PHEX: variants seen among roughly 807,000 people sequenced by gnomAD.
PHEX encodes the protein phosphate regulating endopeptidase X-linked.
In PHEX, 16 loss-of-function variants were observed where a neutral mutation model predicts 68.0. The observed-to-expected ratio is 0.24, with a 90% CI of 0.16 to 0.36. The LOEUF (loss-of-function observed/expected upper bound fraction) is 0.36. Among genes scored for constraint, PHEX ranks in the 10% least tolerant of loss-of-function variants. PHEX has a pLI of 1.00. For missense variants in PHEX, 480 were observed against 575.5 expected (o/e 0.83, Z 1.70); for synonymous variants, 208 against 205.1 (o/e 1.01, Z -0.12).
Position 22,091,978 on chromosome X carries a change from C to T in PHEX, c.732+1481C>T, listed in dbSNP as rs6633516. On this transcript the variant is annotated intron_variant, in intron 6 of 21. Transcript: ENST00000379374. ...GAGAATATGTGGGGGAAACCACCCC[C>T]ATGATTCAATTATATCCACCTGGCC... Among the ~76,000 whole-genome samples the T allele has an allele frequency of 8.4e-3, 934 of 111,587 alleles. 13 individuals carry two copies. The highest frequency in any genetic ancestry group is 0.029 in the African/African-American group (880 of 30,649).
chrX:22,051,803 A>G (rs993868946), intron 3 of PHEX, among the ~76,000 whole-genome samples: 14 of 111,729 alleles, frequency 1.3e-4, no homozygotes, highest in African/African-American at 4.5e-4. Context: ...ATAAAATAAT[A>G]TATCTATAAA....
At position 22,215,811 on chromosome X, in the gene PHEX, G is replaced by A. The variant is rs776163281; in HGVS notation, c.1700+2853G>A. ...CAAACTCCCCGGTGTTTTGGGAAATGCTGATCTAGAATTCATGACTGAAGA... is the reference window on the plus strand; with the variant it reads ...CAAACTCCCCGGTGTTTTGGGAAATACTGATCTAGAATTCATGACTGAAGA... On this transcript the variant is annotated intron_variant, in intron 16 of 21. Coordinates refer to ENST00000379374, the MANE Select transcript of PHEX (RefSeq NM_000444.6). Among the ~76,000 whole-genome samples the A allele has an allele frequency of 5.4e-5, 6 of 111,145 alleles. No homozygotes were observed. In the East Asian group the frequency reaches 1.7e-3, roughly 31 times the overall value.
In PHEX at chrX:22,038,494, A is replaced by C. The variant is rs966703162; in HGVS notation, c.144A>C (p.Gln48His). The C allele has an allele frequency of 8.3e-6, 10 of 1,201,102 alleles. No individual in the cohort carries two copies. The highest frequency in any genetic ancestry group is 1.1e-5 in the Non-Finnish European group (10 of 885,882). ...FLVSQGLLSL[Q>H]AKQEYCLKPE... The stretch of plus-strand genomic sequence containing the variant: ...TGAGTCAAGGTCTCTTAAGTCTCCA[A>C]GCTAAACAGGAGTACTGCCTGAAGC... Residue 48 changes from glutamine (Q) to histidine (H), a missense_variant, in exon 2 of 22, where the codon CAA (glutamine) becomes CAC (histidine). Transcript: ENST00000379374.
At chrX:22,085,989 T>C (rs1249612292) in intron 5 of PHEX, among the ~76,000 whole-genome samples, 1 of 111,766 alleles carries the variant, frequency 8.9e-6, no homozygotes, top group African/African-American at 3.3e-5. Context: ...GTTGGGTGCA[T>C]AGGTATTTAT....
At position 22,044,570 on chromosome X, in the gene PHEX, G is replaced by A. The variant is rs187669774; in HGVS notation, c.188-2480G>A. ...CTAAAAATACAAAAAAAAATTAGCC[G>A]GGCGTGGTGGCGGGTGCCTGTAGTC... On this transcript the variant is annotated intron_variant, in intron 2 of 21. Transcript: ENST00000379374. Among the ~76,000 whole-genome samples the A allele has an allele frequency of 3.0e-3, 329 of 109,307 alleles. 3 individuals carry two copies. Among genetic ancestry groups the A allele is most frequent in the African/African-American group, 0.01 (301 of 30,069 alleles). 94.9% of individuals were successfully genotyped at this position (109,307 alleles called of 115,157 possible).
At chrX:22,167,330 C>T (rs1004017503) in intron 12 of PHEX, among the ~76,000 whole-genome samples, 2 of 110,526 alleles carry the variant, frequency 1.8e-5, no homozygotes, top group Admixed American at 9.7e-5. Context: ...TGTTGATAGT[C>T]GCCATTCTAA....
intron 15 of PHEX, among the ~76,000 whole-genome samples, chrX:22,198,316 C>T (rs1279631567): frequency 9.3e-6 from 1 of 107,133 alleles, no homozygotes; most frequent in Non-Finnish European, 1.9e-5. Flanking sequence ...AGTAGGCACC[C>T]AATAAACATT....
intron 2 of PHEX, among the ~76,000 whole-genome samples, chrX:22,040,507 A>G (rs1024511594): frequency 1.8e-5 from 2 of 111,674 alleles, no homozygotes; most frequent in Non-Finnish European, 3.8e-5. Context: ...AAAATGTTAT[A>G]GAGAAAATTA....
chrX:22,245,436 T>C, intron 21 of PHEX, 27 bp downstream of exon 21: 1 of 1,010,668 alleles, frequency 9.9e-7, no homozygotes, highest in Non-Finnish European at 1.4e-6. Context: ...GTGACGGCAG[T>C]TTTTAACTGT....
intron 11 of PHEX, among the ~76,000 whole-genome samples, chrX:22,129,209 C>T (rs1254171999): frequency 1.8e-5 from 2 of 111,145 alleles, no homozygotes; most frequent in African/African-American, 6.6e-5. Flanking sequence ...GCCAGACAGG[C>T]TGGGATGGCA....
rs1444438696 is a variant in PHEX at position 22,248,005 on chromosome X, G to A, written c.*52G>A. On this transcript the variant is annotated 3_prime_UTR_variant, in exon 22 of 22. Transcript: ENST00000379374. ...AGACAGTTGCACAGTGCCAGCGGAG[G>A]CTGCACTGAGCCTTCATCGCCCATT... is the stretch of plus-strand genomic sequence containing the variant. 1.2e-6 allele frequency: 1 copy of A among 846,693 alleles called. No individual in the cohort carries two copies. Among genetic ancestry groups the A allele is most frequent in the Admixed American group, 2.2e-5 (1 of 45,373 alleles). 69.8% of individuals were successfully genotyped at this position (846,693 alleles called of 1,213,427 possible).
intron 14 of PHEX, among the ~76,000 whole-genome samples, chrX:22,185,842 G>A (rs959407560): frequency 7.7e-5 from 8 of 103,256 alleles, no homozygotes; most frequent in African/African-American, 1.1e-4. Flanking sequence ...TGCAACCTCC[G>A]TCTCCCAGGT....
chrX:22,151,324 G>A (rs1040294865), intron 12 of PHEX, among the ~76,000 whole-genome samples: 8 of 112,170 alleles, frequency 7.1e-5, no homozygotes, highest in South Asian at 7.6e-4. Flanking sequence ...CAGGAGTAAG[G>A]TGCAAGATTC....
chrX:22,102,735 C>A (rs186874792), intron 9 of PHEX, among the ~76,000 whole-genome samples: 28 of 112,517 alleles, frequency 2.5e-4, no homozygotes, highest in Middle Eastern at 9.3e-3. Flanking sequence ...GTGTTGCCTG[C>A]AAGGCAGGGG....
At chrX:22,148,805 T>C (rs1452416964) in intron 12 of PHEX, among the ~76,000 whole-genome samples, 1 of 112,184 alleles carries the variant, frequency 8.9e-6, no homozygotes, top group Non-Finnish European at 1.9e-5. Context: ...TAGGCTATTT[T>C]TCATTATTGA....
intron 20 of PHEX, among the ~76,000 whole-genome samples, chrX:22,239,286 T>C (rs984353144): frequency 4.5e-5 from 5 of 111,372 alleles, no homozygotes; most frequent in African/African-American, 1.3e-4. Flanking sequence ...GAGAAACCAG[T>C]GCAAAAAGGC....
intron 16 of PHEX, among the ~76,000 whole-genome samples, chrX:22,216,662 G>A (rs1165093206): frequency 1.9e-5 from 2 of 107,556 alleles, no homozygotes; most frequent in Non-Finnish European, 3.8e-5. Flanking sequence ...TGGGATTACA[G>A]GCATGCGCCA....
chrX:22,243,211 G>T (rs1277327927), intron 20 of PHEX, among the ~76,000 whole-genome samples: 3 of 111,673 alleles, frequency 2.7e-5, no homozygotes, highest in Non-Finnish European at 5.6e-5. Context: ...ATGGTGTTGG[G>T]AAAACTGGCT....
intron 20 of PHEX, among the ~76,000 whole-genome samples, chrX:22,232,159 C>G (rs1484094779): frequency 9.0e-6 from 1 of 111,410 alleles, no homozygotes; most frequent in African/African-American, 3.3e-5. Flanking sequence ...TTCTTTCTTT[C>G]TTTTGCATTT....
Sources: gnomAD v4.1 joint callset for allele counts (sites outside exome capture counted in the v4.1 genomes callset) on GRCh38, gnomAD v4.1.1 for gene constraint, MANE v1.5 for transcripts, NCBI Gene and HGNC (gene_info 2026-07-23, HGNC 2026-07-21) for gene names.